The following MAGI1 variants were observed in gnomAD, a reference collection of about 807,000 sequenced individuals.
The protein encoded by MAGI1 is membrane-associated guanylate kinase, WW and PDZ domain-containing protein 1.
In MAGI1, 58 loss-of-function variants were observed where a neutral mutation model predicts 139.9. The observed-to-expected ratio is 0.41, with a 90% CI of 0.34 to 0.52. The LOEUF (loss-of-function observed/expected upper bound fraction) is 0.52, where lower values mean the gene tolerates loss of function less well. MAGI1 is among the 20% of genes least tolerant of loss of function. MAGI1 has a pLI of 0.12. For missense variants in MAGI1, 1,874 were observed against 1,901.6 expected, an observed-to-expected ratio of 0.99 and a Z score of 0.27; for synonymous variants, 812 against 737.9, an observed-to-expected ratio of 1.10 and a Z score of -1.63.
intron 1 of MAGI1, among the ~76,000 whole-genome samples, chr3:65,690,013 G>T (rs1000005255): frequency 6.6e-5 from 10 of 152,040 alleles, no homozygotes; most frequent in African/African-American, 2.4e-4. Context: ...TTTCAATGAG[G>T]TTGACCCTAC....
chr3:65,476,472 T>G (rs1044495358), intron 4 of MAGI1, among the ~76,000 whole-genome samples: 2 of 152,210 alleles, frequency 1.3e-5, no homozygotes, highest in Admixed American at 6.5e-5. Context: ...GGGGATTTTA[T>G]GAGGTCAGAT....
At chr3:66,024,975 G>A (rs910758356) in intron 1 of MAGI1, among the ~76,000 whole-genome samples, 3 of 152,116 alleles carry the variant, frequency 2.0e-5, no homozygotes, top group African/African-American at 7.2e-5. Context: ...CTCTGGGGGG[G>A]TAAAATGATG....
At chr3:65,927,015 G>C (rs762639654) in intron 1 of MAGI1, among the ~76,000 whole-genome samples, 1 of 151,992 alleles carries the variant, frequency 6.6e-6, no homozygotes, top group Non-Finnish European at 1.5e-5. Flanking sequence ...AATAAAAATG[G>C]GGAGAAACCC....
At chr3:65,736,266 C>T (rs1362816113) in intron 1 of MAGI1, among the ~76,000 whole-genome samples, 2 of 152,168 alleles carry the variant, frequency 1.3e-5, no homozygotes, top group African/African-American at 4.8e-5. Context: ...TATGTGGGAT[C>T]TTCCAGTGGT....
chr3:66,020,696 A>T (rs2067914453), intron 1 of MAGI1, among the ~76,000 whole-genome samples: 1 of 152,156 alleles, frequency 6.6e-6, no homozygotes, highest in South Asian at 2.1e-4. Flanking sequence ...CATTTTTTAA[A>T]TTAATTATAA....
chr3:65,872,673 T>A (rs1369251463), intron 1 of MAGI1: 1 of 152,174 alleles, frequency 6.6e-6, no homozygotes, highest in Non-Finnish European at 1.5e-5. Flanking sequence ...CCCAGATGCA[T>A]ATGAATAGAA....
chr3:65,895,033 G>A (rs1575897597), intron 1 of MAGI1, among the ~76,000 whole-genome samples: 1 of 151,942 alleles, frequency 6.6e-6, no homozygotes, highest in South Asian at 2.1e-4. Flanking sequence ...GCTAGCTAAT[G>A]TTATTTATTA....
chr3:65,679,613 A>C (rs1338067214), intron 1 of MAGI1, among the ~76,000 whole-genome samples: 4 of 152,172 alleles, frequency 2.6e-5, no homozygotes, highest in Non-Finnish European at 4.4e-5. Flanking sequence ...TCAAGAAGAA[A>C]GGAGAACGGC....
intron 2 of MAGI1, among the ~76,000 whole-genome samples, chr3:65,533,278 G>C (rs2078802377): frequency 1.3e-5 from 2 of 152,220 alleles, no homozygotes; most frequent in Middle Eastern, 3.4e-3. Context: ...GTAGACACTG[G>C]AGAGATAAAG....
intron 1 of MAGI1, among the ~76,000 whole-genome samples, chr3:65,996,284 G>T (rs555043253): frequency 2.2e-4 from 34 of 152,174 alleles, no homozygotes; most frequent in African/African-American, 7.2e-4. Flanking sequence ...CTGCAACACA[G>T]AACACAATAA....
At chr3:65,969,269 T>A (rs1164317051) in intron 1 of MAGI1, among the ~76,000 whole-genome samples, 2 of 152,204 alleles carry the variant, frequency 1.3e-5, no homozygotes, top group African/African-American at 2.4e-5. Flanking sequence ...CTAGCTGTTA[T>A]CTGTAACCAT....
chr3:65,472,484 T>C (rs1338478961), intron 4 of MAGI1, among the ~76,000 whole-genome samples: 1 of 152,168 alleles, frequency 6.6e-6, no homozygotes, highest in Non-Finnish European at 1.5e-5. Flanking sequence ...AGTTCTCCCA[T>C]GAACTAAAAG....
chr3:65,913,149 T>C (rs1277292477), intron 1 of MAGI1, among the ~76,000 whole-genome samples: 1 of 151,976 alleles, frequency 6.6e-6, no homozygotes, highest in Non-Finnish European at 1.5e-5. Flanking sequence ...TAATCCCAGA[T>C]ACTCAGCAGG....
At chr3:65,864,070 A>C (rs572071626) in intron 1 of MAGI1, among the ~76,000 whole-genome samples, 1 of 152,338 alleles carries the variant, frequency 6.6e-6, no homozygotes, top group African/African-American at 2.4e-5. Context: ...TGAATGAATA[A>C]ACATTCAACA....
Position 65,355,309 on chromosome 3 carries a change from T to C in MAGI1, c.*1069A>G, listed in dbSNP as rs954344898. 1 of 152,212 alleles carries C rather than the reference T, an allele frequency of 6.6e-6. No homozygotes were observed. Among genetic ancestry groups the C allele is most frequent in the African/African-American group, 2.4e-5 (1 of 41,440 alleles). The allele number at this position is 152,212 out of a possible 1,614,324, so 9.4% of individuals were successfully genotyped here. On this transcript the variant is annotated 3_prime_UTR_variant, in exon 23 of 23. Coordinates refer to ENST00000402939, the MANE Select transcript of MAGI1 (RefSeq NM_001033057.2). Reference sequence around the variant, plus strand: ...CTTGGACTATGGTTTCAAAGTGAAATTGGCATTTCTAACAATGAATACCCA... The same window carrying C: ...CTTGGACTATGGTTTCAAAGTGAAACTGGCATTTCTAACAATGAATACCCA...
At position 65,764,242 on chromosome 3, in the gene MAGI1, G is replaced by A. The variant is rs543711942; in HGVS notation, c.314-142154C>T. On this transcript the variant is annotated intron_variant, in intron 1 of 22. Coordinates refer to ENST00000402939, the MANE Select transcript of MAGI1 (RefSeq NM_001033057.2). ...CCACCCACCCACCATAAAAAAGAAT[G>A]TAGACGTGAAAATGGCATGATACTT... 4.0e-5 allele frequency among the ~76,000 whole-genome samples: 6 copies of A among 148,644 alleles called. No homozygotes were observed. The South Asian group carries it at 1.4e-3, about 34-fold the overall frequency.
chr3:65,808,432 G>C (rs1054881364), intron 1 of MAGI1, among the ~76,000 whole-genome samples: 2 of 152,104 alleles, frequency 1.3e-5, no homozygotes, highest in African/African-American at 4.8e-5. Flanking sequence ...CTGGGAGGCA[G>C]AGGTTACAGT....
chr3:65,649,431 C>T (rs1195282914), intron 1 of MAGI1, among the ~76,000 whole-genome samples: 1 of 152,106 alleles, frequency 6.6e-6, no homozygotes, highest in African/African-American at 2.4e-5. Flanking sequence ...GTATCTGGAT[C>T]TAGGCAAAGT....
intron 1 of MAGI1, among the ~76,000 whole-genome samples, chr3:65,791,179 A>G (rs992925944): frequency 1.3e-5 from 2 of 152,212 alleles, no homozygotes; most frequent in African/African-American, 4.8e-5. Context: ...CCATGCCTCC[A>G]TTACTGCCAA....
Sources: gnomAD v4.1 joint callset for allele counts (sites outside exome capture counted in the v4.1 genomes callset) on GRCh38, gnomAD v4.1.1 for gene constraint, MANE v1.5 for transcripts, NCBI Gene and HGNC (gene_info 2026-07-23, HGNC 2026-07-21) for gene names.